The following CCDC169 variants were observed in gnomAD, a reference collection of about 807,000 sequenced individuals.
CCDC169 encodes the protein coiled-coil domain-containing protein 169.
Under a neutral mutation model 36.0 loss-of-function variants are expected in CCDC169, and 30 were observed. The ratio of observed to expected loss-of-function variants is 0.83; its 90% CI spans 0.62 to 1.13. The LOEUF (loss-of-function observed/expected upper bound fraction) is 1.13, where lower values mean the gene tolerates loss of function less well. Ranked by LOEUF, CCDC169 falls within the 50% of genes most tolerant of loss-of-function variation. The pLI is 0.00. For missense variants in CCDC169, 245 were observed against 245.9 expected, an observed-to-expected ratio of 1.00 and a Z score of 0.03; for synonymous variants, 85 against 81.5, an observed-to-expected ratio of 1.04 and a Z score of -0.23.
In CCDC169 at chr13:36,270,318, T is replaced by A. The variant is rs1072677; in HGVS notation, c.315+13151A>T. Among the ~76,000 whole-genome samples, 17 of 152,176 alleles carry A rather than the reference T, an allele frequency of 1.1e-4. No individual in the cohort carries two copies. In the South Asian group the frequency reaches 3.5e-3, roughly 31 times the overall value. ...AACATCCCATGCTCATGAATTGGAA[T>A]AATCATTGTGAAAAGGACCATATTG... On this transcript the variant is annotated intron_variant, in intron 4 of 7. Coordinates refer to ENST00000239859, the MANE Select transcript of CCDC169 (RefSeq NM_001144981.3).
At chr13:36,242,077 C>G (rs973019312) in intron 7 of CCDC169, among the ~76,000 whole-genome samples, 1 of 152,200 alleles carries the variant, frequency 6.6e-6, no homozygotes, top group Non-Finnish European at 1.5e-5. Context: ...CCTCCCCAAA[C>G]ATGTTTCCTA....
At chr13:36,235,043 C>T (rs945785592) in intron 7 of CCDC169, among the ~76,000 whole-genome samples, 36 of 152,034 alleles carry the variant, frequency 2.4e-4, no homozygotes, top group African/African-American at 8.4e-4. Context: ...AATGTATAAA[C>T]TTGTAATTTG....
intron 4 of CCDC169, chr13:36,282,599 G>A: frequency 1.1e-6 from 1 of 929,362 alleles, no homozygotes; most frequent in African/African-American, 1.8e-5. Context: ...TTGGTCTGTG[G>A]TCCCACTCTT....
downstream of CCDC169, chr13:36,226,205 T>A (rs1223670015): frequency 6.6e-6 from 1 of 152,182 alleles, no homozygotes; most frequent in Non-Finnish European, 1.5e-5. Context: ...AACAGTGGAC[T>A]GAGTAAAGAA....
intron 6 of CCDC169, among the ~76,000 whole-genome samples, chr13:36,249,009 C>CATTACAGTAG (rs1390300416): frequency 6.6e-6 from 1 of 152,126 alleles, no homozygotes; most frequent in Non-Finnish European, 1.5e-5. Context: ...GGCACCCTGC[C>CATTACAGTAG]ATTACAGTAG....
intron 7 of CCDC169, among the ~76,000 whole-genome samples, chr13:36,234,155 T>C (rs1056503654): frequency 2.6e-5 from 4 of 152,178 alleles, no homozygotes; most frequent in African/African-American, 7.2e-5. Flanking sequence ...CAAAATGGTA[T>C]ATAAGTTTCT....
At chr13:36,258,664 C>T (rs899138861) in intron 4 of CCDC169, among the ~76,000 whole-genome samples, 14 of 152,158 alleles carry the variant, frequency 9.2e-5, no homozygotes, top group African/African-American at 3.1e-4. Context: ...AGGAGCTGCC[C>T]ACCCCTTTCA....
chr13:36,248,741 G>T, intron 6 of CCDC169, 59 bp from the exon 7 acceptor site: 1 of 1,448,482 alleles, frequency 6.9e-7, no homozygotes. Flanking sequence ...TCAGAAATAA[G>T]AGAGACAGTC....
At position 36,283,586 on chromosome 13, in the gene CCDC169, T is replaced by G. The variant is rs1195241717; in HGVS notation, c.274+6A>C. ...TTATAAAATGTACATATGATTGGTT[T>G]TGTACCTGAAGAGTTTCCATGGATT... On this transcript the variant is annotated splice_donor_region_variant and intron_variant, in intron 3 of 7. Coordinates refer to ENST00000239859, the MANE Select transcript of CCDC169 (RefSeq NM_001144981.3). 6.4e-7 allele frequency: 1 copy of G among 1,551,208 alleles called. No homozygotes were observed. Among genetic ancestry groups the G allele is most frequent in the African/African-American group, 1.4e-5 (1 of 73,040 alleles).
At chr13:36,254,166 T>G in intron 4 of CCDC169, 23 bp from the exon 5 acceptor site, 1 of 1,450,146 alleles carries the variant, frequency 6.9e-7, no homozygotes, top group Non-Finnish European at 9.2e-7. Flanking sequence ...ATAGTAAAAT[T>G]TTATATGTAC....
intron 2 of CCDC169, among the ~76,000 whole-genome samples, chr13:36,294,272 T>TA (rs1295257905): frequency 8.5e-5 from 13 of 152,186 alleles, no homozygotes; most frequent in African/African-American, 3.1e-4. Context: ...TGGGCATAGT[T>TA]ATTGCATGTG....
At chr13:36,267,664 A>C (rs544254135) in intron 4 of CCDC169, among the ~76,000 whole-genome samples, 27 of 152,294 alleles carry the variant, frequency 1.8e-4, no homozygotes, top group African/African-American at 6.3e-4. Context: ...ATACAGAATG[A>C]ATTTAAAAAA....
chr13:36,280,853 G>C (rs1306229177), intron 4 of CCDC169: 1 of 152,310 alleles, frequency 6.6e-6, no homozygotes, highest in Non-Finnish European at 1.5e-5. Flanking sequence ...AAATGACTTT[G>C]TGTGTGGCAG....
intron 7 of CCDC169, among the ~76,000 whole-genome samples, chr13:36,236,539 G>C (rs552237468): frequency 3.9e-4 from 60 of 152,072 alleles, no homozygotes; most frequent in African/African-American, 1.4e-3. Context: ...AAAACTCTTA[G>C]AAGAAAACAT....
rs1305103918 is a variant in CCDC169 at position 36,240,164 on chromosome 13, A to G, written c.545+8442T>C. ...ACCTTGCTTCTCACTATTTTTTTAA[A>G]CACTGTACTGTATTAGTTACACAGT... On this transcript the variant is annotated intron_variant, in intron 7 of 7. Coordinates refer to ENST00000239859, the MANE Select transcript of CCDC169 (RefSeq NM_001144981.3). Among the ~76,000 whole-genome samples, 5 of 152,048 alleles carry G rather than the reference A, an allele frequency of 3.3e-5. No homozygotes were observed. The East Asian group carries it at 7.7e-4, about 24-fold the overall frequency.
chr13:36,278,742 A>G (rs905400845), intron 4 of CCDC169, among the ~76,000 whole-genome samples: 6 of 152,074 alleles, frequency 3.9e-5, no homozygotes, highest in East Asian at 1.9e-4. Flanking sequence ...TTCAGACTGC[A>G]TATTTTTCCT....
intron 4 of CCDC169, chr13:36,280,994 C>T (rs1245213843): frequency 8.8e-6 from 2 of 228,032 alleles, no homozygotes; most frequent in African/African-American, 4.6e-5. Context: ...AATGAAATGT[C>T]AAGGGGAATT....
chr13:36,296,075 T>C (rs573028627), intron 1 of CCDC169, among the ~76,000 whole-genome samples: 2 of 152,158 alleles, frequency 1.3e-5, no homozygotes. Context: ...CAGGCAACCA[T>C]TAGAAATCTT....
chr13:36,289,199 T>C (rs9547079), intron 2 of CCDC169, among the ~76,000 whole-genome samples: 23,751 of 152,190 alleles, frequency 0.16, 2,217 homozygotes, highest in Non-Finnish European at 0.21. Context: ...CAGAATCATA[T>C]CTCAGAAGTT....
Sources: allele counts gnomAD v4.1 joint callset (sites outside exome capture counted in the v4.1 genomes callset), GRCh38; gene constraint gnomAD v4.1.1; transcripts MANE v1.5; gene names NCBI Gene and HGNC (gene_info 2026-07-23, HGNC 2026-07-21).